The following RAD51B variants were observed in gnomAD, a reference collection of about 807,000 sequenced individuals.
RAD51B encodes DNA repair protein RAD51 homolog 2.
A neutral mutation model predicts 42.2 loss-of-function variants in RAD51B; 38 were observed. The ratio of observed to expected loss-of-function variants is 0.90; its 90% CI spans 0.70 to 1.18. The LOEUF (loss-of-function observed/expected upper bound fraction) is 1.18. Ranked by LOEUF, RAD51B falls within the 50% of genes most tolerant of loss-of-function variation. The pLI is 0.00. For missense variants in RAD51B, 373 were observed against 400.7 expected (o/e 0.93, Z 0.59); for synonymous variants, 154 against 145.2 (o/e 1.06, Z -0.43).
chr14:68,217,120 T>C (rs2079831452), intron 7 of RAD51B, among the ~76,000 whole-genome samples: 1 of 152,200 alleles, frequency 6.6e-6, no homozygotes, highest in African/African-American at 2.4e-5. Context: ...AACTGAACTG[T>C]GGCTGTCGCC....
intron 5 of RAD51B, among the ~76,000 whole-genome samples, chr14:67,884,895 A>T (rs183345239): frequency 6.6e-6 from 1 of 152,164 alleles, no homozygotes; most frequent in African/African-American, 2.4e-5. Context: ...TAGCAAATGT[A>T]AGGACTTGTT....
At chr14:68,086,734 T>C (rs146071046) in intron 7 of RAD51B, among the ~76,000 whole-genome samples, 2 of 152,266 alleles carry the variant, frequency 1.3e-5, no homozygotes, top group African/African-American at 2.4e-5. Context: ...AGGGATGTTA[T>C]TGGTGATGAG....
intron 8 of RAD51B, among the ~76,000 whole-genome samples, chr14:68,326,275 G>T (rs1027918636): frequency 2.0e-5 from 3 of 151,856 alleles, no homozygotes; most frequent in African/African-American, 7.3e-5. Context: ...CCTGACCTCA[G>T]GTGATCCACC....
intron 7 of RAD51B, among the ~76,000 whole-genome samples, chr14:68,219,428 C>T (rs2079880801): frequency 6.6e-6 from 1 of 152,172 alleles, no homozygotes; most frequent in African/African-American, 2.4e-5. Context: ...AAAGGACCCT[C>T]AGAGAGTCCA....
intron 10 of RAD51B, among the ~76,000 whole-genome samples, chr14:68,474,198 T>C (rs1882355582): frequency 6.6e-6 from 1 of 151,914 alleles, no homozygotes; most frequent in Non-Finnish European, 1.5e-5. Context: ...TAGGTATATA[T>C]AAAAAATGGA....
chr14:68,267,366 T>C (rs1385398853), intron 7 of RAD51B, among the ~76,000 whole-genome samples: 1 of 152,170 alleles, frequency 6.6e-6, no homozygotes, highest in Non-Finnish European at 1.5e-5. Context: ...TGAAAAAAAT[T>C]CCTTTATGCA....
chr14:68,206,400 G>A (rs1274644), intron 7 of RAD51B, among the ~76,000 whole-genome samples: 26,074 of 152,114 alleles, frequency 0.17, 2,390 homozygotes, highest in Middle Eastern at 0.36. Flanking sequence ...TTTATTATCT[G>A]TTGATGATTC....
intron 9 of RAD51B, among the ~76,000 whole-genome samples, chr14:68,425,967 TCTTTCTTTCTTC>T (rs1212281181): frequency 2.5e-4 from 26 of 104,016 alleles, no homozygotes; most frequent in African/African-American, 8.7e-4. Flanking sequence ...TTTCTTTCTT[TCTTTCTTTCTTC>T]CTTCCTTCCT....
intron 8 of RAD51B, among the ~76,000 whole-genome samples, chr14:68,365,600 A>G (rs2083126178): frequency 6.6e-6 from 1 of 152,250 alleles, no homozygotes; most frequent in African/African-American, 2.4e-5. Flanking sequence ...GTTTCAGATT[A>G]TTAACTTACC....
chr14:68,242,347 G>A (rs973554217), intron 7 of RAD51B, among the ~76,000 whole-genome samples: 3 of 152,152 alleles, frequency 2.0e-5, no homozygotes, highest in Non-Finnish European at 4.4e-5. Flanking sequence ...TACGTGGACC[G>A]CACTTATCAC....
At chr14:68,449,624 G>A (rs1051649398) in intron 9 of RAD51B, among the ~76,000 whole-genome samples, 2 of 152,306 alleles carry the variant, frequency 1.3e-5, no homozygotes, top group Non-Finnish European at 2.9e-5. Flanking sequence ...TGTGTCTCCT[G>A]AGAGTCAGAG....
intron 10 of RAD51B, among the ~76,000 whole-genome samples, chr14:68,531,549 A>G (rs976878991): frequency 6.6e-6 from 1 of 152,240 alleles, no homozygotes; most frequent in African/African-American, 2.4e-5. Flanking sequence ...ATGAACCTAT[A>G]TGCCCCTAAA....
intron 8 of RAD51B, among the ~76,000 whole-genome samples, chr14:68,360,921 T>C (rs113402221): frequency 5.3e-5 from 8 of 152,314 alleles, no homozygotes; most frequent in African/African-American, 1.7e-4. Context: ...GGCCTGTCTG[T>C]TCAGATTCTT....
chr14:68,227,617 C>G (rs1284437595), intron 7 of RAD51B, among the ~76,000 whole-genome samples: 1 of 152,146 alleles, frequency 6.6e-6, no homozygotes, highest in Admixed American at 6.5e-5. Context: ...CAGCAATGGT[C>G]CCTTCAGCCC....
chr14:67,995,762 C>A (rs572313976), intron 7 of RAD51B, among the ~76,000 whole-genome samples: 1 of 151,834 alleles, frequency 6.6e-6, no homozygotes, highest in Non-Finnish European at 1.5e-5. Flanking sequence ...GGACTACAGG[C>A]GCCCGCCACC....
chr14:68,557,127 A>T (rs1036102920), intron 10 of RAD51B, among the ~76,000 whole-genome samples: 1 of 152,156 alleles, frequency 6.6e-6, no homozygotes, highest in Non-Finnish European at 1.5e-5. Context: ...ACTCCCTTGT[A>T]TGGGGTCATT....
chr14:68,625,771 G>C (rs1292536885), intron 10 of RAD51B, among the ~76,000 whole-genome samples: 1 of 152,186 alleles, frequency 6.6e-6, no homozygotes, highest in Non-Finnish European at 1.5e-5. Flanking sequence ...GCTGCTCCTG[G>C]TATCTCTATG....
At chr14:68,131,493 C>T (rs2077889933) in intron 7 of RAD51B, among the ~76,000 whole-genome samples, 1 of 152,058 alleles carries the variant, frequency 6.6e-6, no homozygotes, top group South Asian at 2.1e-4. Context: ...GTCAGGAGTT[C>T]GAGACCAGCC....
chr14:68,682,704 C>T (rs1000218213), intron 11 of RAD51B, among the ~76,000 whole-genome samples: 2 of 152,068 alleles, frequency 1.3e-5, no homozygotes, highest in African/African-American at 2.4e-5. Flanking sequence ...CCCCGCCCCC[C>T]ACGATCAGCT....
Sources: allele counts gnomAD v4.1 joint callset (sites outside exome capture counted in the v4.1 genomes callset), GRCh38; gene constraint gnomAD v4.1.1; transcripts MANE v1.5; gene names NCBI Gene and HGNC (gene_info 2026-07-23, HGNC 2026-07-21).